The following ATXN1 variants were observed in gnomAD, a reference collection of about 807,000 sequenced individuals.
The protein encoded by ATXN1 is ataxin-1.
ATXN1 carries 8 observed loss-of-function variants against 56.4 expected under a neutral mutation model. The ratio of observed to expected loss-of-function variants is 0.14; its 90% CI spans 0.08 to 0.26. The LOEUF (loss-of-function observed/expected upper bound fraction) is 0.26. Ranked by LOEUF, ATXN1 falls within the 10% of genes least tolerant of loss-of-function variation. The pLI is 1.00. For synonymous variants in ATXN1, 514 were observed against 494.6 expected (o/e 1.04, Z -0.52); for missense variants, 987 against 1,106.5 (o/e 0.89, Z 1.53).
At chr6:16,745,684 C>T (rs561602561) in intron 2 of ATXN1, among the ~76,000 whole-genome samples, 27 of 152,272 alleles carry the variant, frequency 1.8e-4, no homozygotes, top group East Asian at 1.9e-4. Flanking sequence ...GAGCTACCTG[C>T]GGAAAACGTC....
chr6:16,375,161 G>A lies in ATXN1; in HGVS notation c.-160-46691C>T, dbSNP rs1481619485. Reference sequence around the variant, plus strand: ...AGCCTGGACGTGTTCAGACCCTATCGCCGCATCAAAAGAAGAACACCAAGG... The same window carrying A: ...AGCCTGGACGTGTTCAGACCCTATCACCGCATCAAAAGAAGAACACCAAGG... On this transcript the variant is annotated intron_variant, in intron 6 of 7. Transcript: ENST00000436367. Among the ~76,000 whole-genome samples, 6 of 152,112 alleles carry A rather than the reference G, an allele frequency of 3.9e-5. No homozygotes were observed. In the South Asian group the frequency reaches 8.3e-4, roughly 21 times the overall value.
intron 6 of ATXN1, among the ~76,000 whole-genome samples, chr6:16,349,582 CA>C (rs1761523789): frequency 6.6e-6 from 1 of 152,124 alleles, no homozygotes. Context: ...TCATAGACAC[CA>C]GTCAGCTCCA....
rs565417080 is a variant in ATXN1 at position 16,468,482 on chromosome 6, C to G, written c.-161+17490G>C. On this transcript the variant is annotated intron_variant, in intron 6 of 7. Transcript: ENST00000436367. ...GGGATTACAGGCGTGAGCCACCATG[C>G]CTGGCCCGGACTGGTTATTACCTTA... Among the ~76,000 whole-genome samples the G allele has an allele frequency of 5.3e-5, 8 of 152,318 alleles. No homozygotes were observed. In the East Asian group the frequency reaches 1.5e-3, roughly 29 times the overall value.
At chr6:16,366,809 ACAGGCC>A (rs1172070260) in intron 6 of ATXN1, among the ~76,000 whole-genome samples, 1 of 151,876 alleles carries the variant, frequency 6.6e-6, no homozygotes, top group Non-Finnish European at 1.5e-5. Flanking sequence ...AAAGAAAAAA[ACAGGCC>A]CAAACCTCTA....
chr6:16,542,700 G>C (rs774087505), intron 4 of ATXN1, among the ~76,000 whole-genome samples: 2 of 152,144 alleles, frequency 1.3e-5, no homozygotes, highest in Non-Finnish European at 1.5e-5. Flanking sequence ...CCCATCCATG[G>C]AGGATCTGTT....
chr6:16,552,027 G>A (rs890355227), intron 4 of ATXN1, among the ~76,000 whole-genome samples: 7 of 152,216 alleles, frequency 4.6e-5, no homozygotes, highest in Non-Finnish European at 8.8e-5. Flanking sequence ...ATAGGATGGT[G>A]GACGTGTGCA....
chr6:16,543,146 T>C (rs1353020548), intron 4 of ATXN1, among the ~76,000 whole-genome samples: 1 of 152,168 alleles, frequency 6.6e-6, no homozygotes, highest in Non-Finnish European at 1.5e-5. Flanking sequence ...GTTTACAAAA[T>C]GCGAGACAAG....
intron 2 of ATXN1, among the ~76,000 whole-genome samples, chr6:16,670,129 A>G (rs1758511031): frequency 6.6e-6 from 1 of 151,670 alleles, no homozygotes; most frequent in African/African-American, 2.4e-5. Context: ...ACTAGAATCA[A>G]CTCCTCTGCC....
At chr6:16,606,126 A>C (rs1442013136) in intron 3 of ATXN1, among the ~76,000 whole-genome samples, 1 of 152,056 alleles carries the variant, frequency 6.6e-6, no homozygotes, top group Non-Finnish European at 1.5e-5. Flanking sequence ...GTCACTCTGG[A>C]GACAGAGCGA....
intron 4 of ATXN1, among the ~76,000 whole-genome samples, chr6:16,527,647 G>A (rs1318613725): frequency 1.3e-5 from 2 of 152,096 alleles, no homozygotes; most frequent in Non-Finnish European, 2.9e-5. Flanking sequence ...TTGTGGTGGG[G>A]GTCATGCTCT....
chr6:16,516,653 T>A (rs1387196706), intron 5 of ATXN1, among the ~76,000 whole-genome samples: 1 of 152,238 alleles, frequency 6.6e-6, no homozygotes, highest in Non-Finnish European at 1.5e-5. Context: ...AGTTTAGGGT[T>A]GACCTTTCTG....
intron 3 of ATXN1, chr6:16,616,156 A>C (rs888738375): frequency 9.9e-5 from 15 of 152,254 alleles, no homozygotes; most frequent in Admixed American, 9.8e-4. Context: ...ATTAAAATAC[A>C]GGAGACAAAA....
chr6:16,440,649 A>AAAAAAAAAG (rs56105499), intron 6 of ATXN1, among the ~76,000 whole-genome samples: 26 of 113,700 alleles, frequency 2.3e-4, no homozygotes, highest in Admixed American at 6.6e-4. Context: ...TTAAAAAAAA[A>AAAAAAAAAG]AAAGAAAAGA....
intron 6 of ATXN1, among the ~76,000 whole-genome samples, chr6:16,372,962 CAAACAAAT>C (rs898594124): frequency 2.5e-4 from 26 of 102,062 alleles, no homozygotes; most frequent in Admixed American, 1.2e-3. Flanking sequence ...AACAAACAAA[CAAACAAAT>C]AAATGAACCT....
intron 7 of ATXN1, among the ~76,000 whole-genome samples, chr6:16,312,814 C>T (rs1217650500): frequency 2.6e-5 from 4 of 151,796 alleles, no homozygotes; most frequent in African/African-American, 4.9e-5. Flanking sequence ...CCTTCGTCTC[C>T]CCCCATACCC....
chr6:16,563,460 T>C (rs1041620123), intron 4 of ATXN1, among the ~76,000 whole-genome samples: 1 of 151,978 alleles, frequency 6.6e-6, no homozygotes, highest in East Asian at 1.9e-4. Flanking sequence ...CTAGGCTGGT[T>C]AGGGGGCAGG....
chr6:16,449,452 A>G (rs1191308799), intron 6 of ATXN1, among the ~76,000 whole-genome samples: 2 of 152,196 alleles, frequency 1.3e-5, no homozygotes, highest in African/African-American at 4.8e-5. Context: ...TCTTCCTTCT[A>G]AAATTGAAAG....
intron 2 of ATXN1, among the ~76,000 whole-genome samples, chr6:16,724,298 A>G (rs1331510806): frequency 6.6e-6 from 1 of 151,108 alleles, no homozygotes; most frequent in East Asian, 1.9e-4. Flanking sequence ...TCTCCAAAAG[A>G]ATTTTTTAGG....
intron 2 of ATXN1, among the ~76,000 whole-genome samples, chr6:16,704,480 T>C (rs531014207): frequency 1.3e-4 from 19 of 146,476 alleles, no homozygotes; most frequent in African/African-American, 4.6e-4. Context: ...TTTGAGGTGT[T>C]GCTTCTTTTT....
Sources: gnomAD v4.1 joint callset for allele counts (sites outside exome capture counted in the v4.1 genomes callset) on GRCh38, gnomAD v4.1.1 for gene constraint, MANE v1.5 for transcripts, NCBI Gene and HGNC (gene_info 2026-07-23, HGNC 2026-07-21) for gene names.